REPS2: variants seen among roughly 807,000 people sequenced by gnomAD.
REPS2 encodes the protein ralBP1-associated Eps domain-containing protein 2.
REPS2 carries 23 observed loss-of-function variants against 53.6 expected under a neutral mutation model. The ratio of observed to expected loss-of-function variants is 0.43; its 90% confidence interval spans 0.31 to 0.61. REPS2 has a LOEUF of 0.61. Among genes scored for constraint, REPS2 ranks in the 20% least tolerant of loss-of-function variants. The probability of loss-of-function intolerance (pLI) is 0.11; values close to 1 mark genes in which losing one functional copy is unlikely to be tolerated. For synonymous variants in REPS2, 238 were observed against 218.6 expected, an observed-to-expected ratio of 1.09 and a Z score of -0.78; for missense variants, 446 against 534.9, an observed-to-expected ratio of 0.83 and a Z score of 1.64.
the REPS2 span, among the ~76,000 whole-genome samples, chrX:17,179,971 G>A: frequency 8.9e-6 from 1 of 112,017 alleles, no homozygotes; most frequent in African/African-American, 3.2e-5. Flanking sequence ...AGAAAAACAC[G>A]TTGCAGAGTA....
At chrX:17,156,985 C>T (rs1280410149), downstream of REPS2, among the ~76,000 whole-genome samples, 1 of 110,576 alleles carries the variant, frequency 9.0e-6, no homozygotes, top group Admixed American at 9.6e-5. Context: ...ATAGATTGAC[C>T]ATCTATTTTC....
At chrX:17,156,745 C>T (rs1452202462), downstream of REPS2, among the ~76,000 whole-genome samples, 3 of 111,190 alleles carry the variant, frequency 2.7e-5, no homozygotes, top group Non-Finnish European at 5.7e-5. Context: ...AAAGATAATG[C>T]ATAGGGAATG....
At chrX:17,072,238 A>G (rs2062316934) in intron 11 of REPS2, among the ~76,000 whole-genome samples, 1 of 112,768 alleles carries the variant, frequency 8.9e-6, no homozygotes, top group South Asian at 3.7e-4. Context: ...TATGCACTCT[A>G]CAATAGTAAT....
At chrX:17,121,278 A>G (rs182531923) in intron 14 of REPS2, among the ~76,000 whole-genome samples, 169 of 112,059 alleles carry the variant, frequency 1.5e-3, no homozygotes, top group Non-Finnish European at 2.7e-3. Context: ...TGCCCATCAA[A>G]TTTTGTAAGT....
rs1401209092 is a variant in REPS2, at chrX:17,152,527, TA to T, written c.*5050del. The stretch of plus-strand genomic sequence containing the variant: ...CTGAAGACCAGCAGACACCAGACTT[TA>T]AAAGTGCTTAAATTGGAATTTGGAA... On this transcript the variant is annotated 3_prime_UTR_variant, in exon 18 of 18. Coordinates refer to ENST00000357277, the MANE Select transcript of REPS2 (RefSeq NM_004726.3). 1 of 112,016 alleles carries T rather than the reference TA, an allele frequency of 8.9e-6. No individual in the cohort carries two copies. The highest frequency in any genetic ancestry group is 1.9e-5 in the Non-Finnish European group (1 of 53,213). 9.2% of individuals were successfully genotyped at this position (112,016 alleles called of 1,213,427 possible).
chrX:17,100,636 G>T (rs2062778697), intron 13 of REPS2, among the ~76,000 whole-genome samples: 1 of 112,390 alleles, frequency 8.9e-6, no homozygotes, highest in Non-Finnish European at 1.9e-5. Context: ...GCTAGTAAAT[G>T]CTCCCCTTTG....
At chrX:17,184,243 T>A in the REPS2 span, among the ~76,000 whole-genome samples, 1 of 98,312 alleles carries the variant, frequency 1.0e-5, no homozygotes, top group African/African-American at 3.8e-5. Context: ...GTGTTCTCAT[T>A]GTTCAATTCC....
intron 13 of REPS2, among the ~76,000 whole-genome samples, chrX:17,090,458 C>T (rs2148023907): frequency 9.0e-6 from 1 of 111,504 alleles, no homozygotes; most frequent in African/African-American, 3.3e-5. Flanking sequence ...GTTCAATCAT[C>T]TCCCACTGGG....
At chrX:17,170,550 C>T in the REPS2 span, among the ~76,000 whole-genome samples, 1 of 112,462 alleles carries the variant, frequency 8.9e-6, no homozygotes. Context: ...GCTGGACCTG[C>T]CAGAGAGGCA....
chrX:16,964,113 G>A (rs917903543), intron 1 of REPS2, among the ~76,000 whole-genome samples: 1 of 105,471 alleles, frequency 9.5e-6, no homozygotes, highest in Non-Finnish European at 1.9e-5. Context: ...AGTAGTGGAG[G>A]GAAGGTCAGC....
intron 14 of REPS2, among the ~76,000 whole-genome samples, chrX:17,105,199 C>T (rs1263437090): frequency 9.0e-6 from 1 of 111,211 alleles, no homozygotes; most frequent in African/African-American, 3.3e-5. Context: ...TACAGCCAGA[C>T]AGCAGATCCA....
intron 8 of REPS2, among the ~76,000 whole-genome samples, chrX:17,058,215 G>A (rs2062101123): frequency 9.0e-6 from 1 of 111,392 alleles, no homozygotes; most frequent in African/African-American, 3.3e-5. Flanking sequence ...AGCACTTTGG[G>A]AGTCCAAGGC....
chrX:17,059,158 A>G (rs1383420102), intron 8 of REPS2, among the ~76,000 whole-genome samples: 23 of 107,615 alleles, frequency 2.1e-4, no homozygotes, highest in East Asian at 8.8e-4. Context: ...CTACAGGCAC[A>G]TGCCACCATG....
rs1002597344 is a variant in REPS2 at position 17,085,939 on chromosome X, C to G, written c.1516+8532C>G. Among the ~76,000 whole-genome samples the G allele has an allele frequency of 2.7e-5, 3 of 111,733 alleles. No homozygotes were observed. The Admixed American group carries it at 2.8e-4, about 11-fold the overall frequency. On this transcript the variant is annotated intron_variant, in intron 13 of 17. Coordinates refer to ENST00000357277, the MANE Select transcript of REPS2 (RefSeq NM_004726.3). Reference sequence around the variant, plus strand: ...TATCATTTAATATTTGGCCAGTGTTCCTATTTCCTGAATTGTCTCAAGTTT... The same window carrying G: ...TATCATTTAATATTTGGCCAGTGTTGCTATTTCCTGAATTGTCTCAAGTTT...
chrX:16,974,382 A>G (rs930457082), intron 1 of REPS2, among the ~76,000 whole-genome samples: 1 of 111,481 alleles, frequency 9.0e-6, no homozygotes, highest in Non-Finnish European at 1.9e-5. Context: ...GCTGTGGCTC[A>G]TGCCTACAAT....
chrX:17,110,310 CTTTT>C (rs202016963), intron 14 of REPS2, among the ~76,000 whole-genome samples: 6 of 86,533 alleles, frequency 6.9e-5, no homozygotes, highest in Non-Finnish European at 1.1e-4. Context: ...TTAGATTTCA[CTTTT>C]TTTTTTTTTT....
At chrX:16,985,131 G>A (rs1006623170) in intron 1 of REPS2, among the ~76,000 whole-genome samples, 1 of 110,924 alleles carries the variant, frequency 9.0e-6, no homozygotes, top group Non-Finnish European at 1.9e-5. Context: ...TATCTTCAAC[G>A]TTAAATTAGA....
chrX:17,162,946 T>A, the REPS2 span, among the ~76,000 whole-genome samples: 1 of 112,113 alleles, frequency 8.9e-6, no homozygotes, highest in South Asian at 3.7e-4. Context: ...CAGTTTGTAA[T>A]GACAAATTAT....
intron 17 of REPS2, among the ~76,000 whole-genome samples, chrX:17,146,273 A>C: frequency 9.0e-6 from 1 of 110,811 alleles, no homozygotes. Flanking sequence ...CTGGTCACAC[A>C]GGCTTTTTGT....
Sources: allele counts gnomAD v4.1 joint callset (sites outside exome capture counted in the v4.1 genomes callset), GRCh38; gene constraint gnomAD v4.1.1; transcripts MANE v1.5; gene names NCBI Gene and HGNC (gene_info 2026-07-23, HGNC 2026-07-21).